Variants in CORIN observed in about 807,000 individuals in gnomAD.
CORIN encodes atrial natriuretic peptide-converting enzyme.
A neutral mutation model predicts 125.3 loss-of-function variants in CORIN; 117 were observed. The observed-to-expected ratio is 0.93, with a 90% CI of 0.80 to 1.09. The LOEUF (loss-of-function observed/expected upper bound fraction) is 1.09, where lower values mean the gene tolerates loss of function less well. Ranked by LOEUF, CORIN falls within the 50% of genes least tolerant of loss-of-function variation. The pLI is 0.00. For missense variants in CORIN, 1,253 were observed against 1,306.7 expected, an observed-to-expected ratio of 0.96 and a Z score of 0.63; for synonymous variants, 450 against 466.4, an observed-to-expected ratio of 0.96 and a Z score of 0.45.
At chr4:47,706,706 G>T in intron 5 of CORIN, 1 of 1,606,972 alleles carries the variant, frequency 6.2e-7, no homozygotes, top group Non-Finnish European at 8.5e-7. Flanking sequence ...CCACTGTGGG[G>T]CTCTGGGAGT....
At chr4:47,706,381 T>C in intron 5 of CORIN, 1 of 1,606,410 alleles carries the variant, frequency 6.2e-7, no homozygotes. Context: ...GATGGGTGCA[T>C]ACAAGTATAT....
intron 6 of CORIN, among the ~76,000 whole-genome samples, chr4:47,691,927 G>A (rs1228310681): frequency 6.6e-6 from 1 of 152,102 alleles, no homozygotes; most frequent in Non-Finnish European, 1.5e-5. Flanking sequence ...AGAATTTTTT[G>A]ATTAAGATCA....
intron 5 of CORIN, among the ~76,000 whole-genome samples, chr4:47,695,936 T>C (rs1448802950): frequency 1.3e-5 from 2 of 152,226 alleles, no homozygotes; most frequent in South Asian, 2.1e-4. Context: ...CCAAGGTCTA[T>C]GATCTAGGCC....
chr4:47,785,485 A>T (rs556550353), intron 3 of CORIN, among the ~76,000 whole-genome samples: 1 of 151,664 alleles, frequency 6.6e-6, no homozygotes, highest in African/African-American at 2.4e-5. Context: ...CATGCAGAAG[A>T]GTTTGGCACA....
intron 4 of CORIN, among the ~76,000 whole-genome samples, chr4:47,752,500 AC>A (rs1728947418): frequency 6.6e-6 from 1 of 152,158 alleles, no homozygotes. Context: ...ACAAAAGCTC[AC>A]ACTACCCTGC....
intron 1 of CORIN, among the ~76,000 whole-genome samples, chr4:47,808,676 A>G (rs2109955658): frequency 6.6e-6 from 1 of 152,340 alleles, no homozygotes; most frequent in South Asian, 2.1e-4. Flanking sequence ...TATAATTTAT[A>G]GTTAATTTAC....
intron 14 of CORIN, among the ~76,000 whole-genome samples, chr4:47,644,336 G>GA (rs1275021475): frequency 3.3e-5 from 5 of 152,118 alleles, no homozygotes; most frequent in African/African-American, 4.8e-5. Flanking sequence ...AAGCTGAACT[G>GA]AAAAAATCAC....
chr4:47,712,156 A>T (rs1239925767), intron 5 of CORIN, among the ~76,000 whole-genome samples: 4 of 152,208 alleles, frequency 2.6e-5, no homozygotes, highest in African/African-American at 9.6e-5. Context: ...AATCAATTTG[A>T]TCTTTTTATT....
chr4:47,678,031 CCA>C lies in CORIN; in HGVS notation c.1154_1155del (p.Val385GlyfsTer15), dbSNP rs1725108314. On this transcript the variant is annotated frameshift_variant, in exon 9 of 22. Coordinates refer to ENST00000273857, the MANE Select transcript of CORIN (RefSeq NM_006587.4). LOFTEE classifies it high-confidence loss of function. ...GGGATACATTGTCCATTTCTGCATT[CCA>C]CCAGACCCTGGCTGTGACAGGCTAG... Reference protein sequence around the residue: ...VNCSCHSQGLVECRNGQCIPS... With the variant: ...VNCSCHSQGLXECRNGQCIPS... The C allele has an allele frequency of 6.2e-7, 1 of 1,613,774 alleles. No individual in the cohort carries two copies.
intron 16 of CORIN, among the ~76,000 whole-genome samples, chr4:47,633,333 AAT>A (rs905114112): frequency 2.0e-5 from 3 of 152,206 alleles, no homozygotes; most frequent in African/African-American, 7.2e-5. Flanking sequence ...AAATTTATAA[AAT>A]ATGACTGTTA....
At chr4:47,802,249 C>G (rs1731574780) in intron 2 of CORIN, among the ~76,000 whole-genome samples, 1 of 152,152 alleles carries the variant, frequency 6.6e-6, no homozygotes, top group Admixed American at 6.5e-5. Flanking sequence ...AAAGGGGACT[C>G]TCTCTGGCAC....
At chr4:47,598,741 C>T (rs1721342165) in intron 21 of CORIN, among the ~76,000 whole-genome samples, 1 of 152,138 alleles carries the variant, frequency 6.6e-6, no homozygotes. Flanking sequence ...TATTCTTGAT[C>T]TGTTTAGGGA....
intron 5 of CORIN, among the ~76,000 whole-genome samples, chr4:47,726,147 A>T (rs1428530110): frequency 2.0e-5 from 3 of 152,104 alleles, no homozygotes; most frequent in Non-Finnish European, 2.9e-5. Context: ...AGTTGCATAC[A>T]TTGTTATTGA....
chr4:47,781,698 G>A (rs1047720495), intron 3 of CORIN, among the ~76,000 whole-genome samples: 1 of 152,196 alleles, frequency 6.6e-6, no homozygotes, highest in Non-Finnish European at 1.5e-5. Flanking sequence ...GCTAACTCCT[G>A]TGATCCCAGC....
At chr4:47,745,517 A>G (rs1427899537) in intron 4 of CORIN, among the ~76,000 whole-genome samples, 3 of 152,262 alleles carry the variant, frequency 2.0e-5, no homozygotes, top group South Asian at 4.1e-4. Context: ...ACCTTAAACA[A>G]TACCTTATTC....
At chr4:47,740,573 A>G (rs1728341282) in intron 5 of CORIN, among the ~76,000 whole-genome samples, 2 of 151,988 alleles carry the variant, frequency 1.3e-5, no homozygotes, top group South Asian at 4.1e-4. Context: ...TGAATGGTAT[A>G]TTTACATATG....
Position 47,661,854 on chromosome 4 carries a change from G to A in CORIN, c.1592C>T (p.Ala531Val), listed in dbSNP as rs767802252. 4 of 1,589,038 alleles carry A rather than the reference G, an allele frequency of 2.5e-6. No homozygotes were observed. In the East Asian group the frequency reaches 9.0e-5, roughly 36 times the overall value. Reference protein sequence around the residue: ...NTGEHIPPCRALCEHSKERCE... With the variant: ...NTGEHIPPCRVLCEHSKERCE... ...GCGTTCTTTAGAGTGTTCACACAAT[G>A]CCCTAGATGAACAAGAAAGACAAAA... The change falls in exon 12 of 22, where the codon GCA (alanine) becomes GTA (valine). Residue 531 changes from alanine (A) to valine (V), a missense_variant and splice_region_variant. Physicochemically the swap from Ala to Val is moderately conservative, Grantham distance 64. Transcript: ENST00000273857.
At position 47,683,745 on chromosome 4, in the gene CORIN, T is replaced by C. The variant is rs1482130189; in HGVS notation, c.1007A>G (p.Asp336Gly). Residue 336 changes from aspartate (D) to glycine (G), a missense_variant, in exon 7 of 22, where the codon GAT becomes GGT. Transcript: ENST00000273857. ...ATGCTACTTACCACAGTTTTGCTCATCACTCAAATCCCCACAGTCATCATA... is the reference window on the plus strand; with the variant it reads ...ATGCTACTTACCACAGTTTTGCTCACCACTCAAATCCCCACAGTCATCATA... ...DGYDDCGDLS[D>G]EQNCDCNPTT... The C allele has an allele frequency of 3.7e-6, 6 of 1,612,234 alleles. No individual in the cohort carries two copies. Among genetic ancestry groups the C allele is most frequent in the Non-Finnish European group, 4.2e-6 (5 of 1,178,974 alleles).
At chr4:47,609,072 C>A (rs1721767785) in intron 19 of CORIN, among the ~76,000 whole-genome samples, 1 of 152,048 alleles carries the variant, frequency 6.6e-6, no homozygotes. Flanking sequence ...TTTTACAAGA[C>A]TTACTCCAGA....
Sources: allele counts gnomAD v4.1 joint callset (sites outside exome capture counted in the v4.1 genomes callset), GRCh38; gene constraint gnomAD v4.1.1; transcripts MANE v1.5; gene names NCBI Gene and HGNC (gene_info 2026-07-23, HGNC 2026-07-21).